CNTN4: variants seen among roughly 807,000 people sequenced by gnomAD.
CNTN4 encodes contactin 4, also known as contactin-4.
Under a neutral mutation model 122.5 loss-of-function variants are expected in CNTN4, and 77 were observed. The ratio of observed to expected loss-of-function variants is 0.63; its 90% CI spans 0.52 to 0.76. The LOEUF is 0.76. CNTN4 is among the 30% of genes least tolerant of loss of function. The pLI, the probability that CNTN4 is intolerant of heterozygous loss-of-function variation, is 0.00. For missense variants in CNTN4, 1,256 were observed against 1,259.1 expected, an observed-to-expected ratio of 1.00 and a Z score of 0.04; for synonymous variants, 512 against 447.0, an observed-to-expected ratio of 1.15 and a Z score of -1.83.
chr3:2,892,145 G>A (rs749499375), intron 10 of CNTN4: 1 of 152,204 alleles, frequency 6.6e-6, no homozygotes, highest in Non-Finnish European at 1.5e-5. Context: ...TGCTTTGCTA[G>A]AGGTTCTGAA....
At chr3:2,181,526 T>C (rs2037016909) in intron 2 of CNTN4, among the ~76,000 whole-genome samples, 2 of 152,094 alleles carry the variant, frequency 1.3e-5, no homozygotes, top group Non-Finnish European at 1.5e-5. Flanking sequence ...TATGTCACAT[T>C]GTACTTGGAA....
chr3:2,140,325 G>A (rs1457596893), intron 2 of CNTN4, among the ~76,000 whole-genome samples: 1 of 152,200 alleles, frequency 6.6e-6, no homozygotes, highest in Admixed American at 6.5e-5. Context: ...ATGATTAACA[G>A]AAGATAAGTG....
At chr3:2,726,292 T>G (rs367787844) in intron 4 of CNTN4, among the ~76,000 whole-genome samples, 7 of 152,314 alleles carry the variant, frequency 4.6e-5, no homozygotes, top group Admixed American at 2.0e-4. Flanking sequence ...GGGAACCAAT[T>G]TAACCAAGAA....
chr3:2,861,219 A>G (rs2093668425), intron 7 of CNTN4, among the ~76,000 whole-genome samples: 1 of 152,158 alleles, frequency 6.6e-6, no homozygotes, highest in Admixed American at 6.5e-5. Context: ...GACTCAATTC[A>G]TGTCTCTTGA....
chr3:2,695,929 T>A (rs1158377059), intron 4 of CNTN4, among the ~76,000 whole-genome samples: 1 of 151,902 alleles, frequency 6.6e-6, no homozygotes, highest in African/African-American at 2.4e-5. Context: ...GTGGTAGGGG[T>A]GGGGGTAATG....
chr3:2,502,115 G>A (rs2076610414), intron 3 of CNTN4, among the ~76,000 whole-genome samples: 1 of 151,908 alleles, frequency 6.6e-6, no homozygotes, highest in Non-Finnish European at 1.5e-5. Flanking sequence ...AACACCTCTG[G>A]CCCCAAGCAT....
intron 3 of CNTN4, among the ~76,000 whole-genome samples, chr3:2,405,595 G>GTAGATAGA (rs61138023): frequency 7.5e-4 from 112 of 150,110 alleles, no homozygotes; most frequent in African/African-American, 1.7e-3. Context: ...TTATAGATAG[G>GTAGATAGA]TAGATAGATA....
chr3:2,125,758 G>C (rs1018695094), intron 2 of CNTN4, among the ~76,000 whole-genome samples: 2 of 151,566 alleles, frequency 1.3e-5, no homozygotes, highest in South Asian at 4.2e-4. Context: ...GGGTTTTACC[G>C]TGTTAAGCAG....
At chr3:2,975,792 A>C (rs1693364460) in intron 13 of CNTN4, among the ~76,000 whole-genome samples, 1 of 152,188 alleles carries the variant, frequency 6.6e-6, no homozygotes, top group East Asian at 1.9e-4. Context: ...TATATTACTT[A>C]TTATGATGCT....
intron 6 of CNTN4, among the ~76,000 whole-genome samples, chr3:2,800,564 C>A (rs1482688643): frequency 1.3e-5 from 2 of 152,122 alleles, no homozygotes; most frequent in African/African-American, 4.8e-5. Flanking sequence ...TAGTTCTCTG[C>A]CAGACATGTA....
intron 3 of CNTN4, among the ~76,000 whole-genome samples, chr3:2,382,444 T>C (rs59409758): frequency 0.18 from 27,446 of 151,950 alleles, 3,079 homozygotes; most frequent in East Asian, 0.44. Flanking sequence ...CATGAGCCAC[T>C]GCGTCCGGCC....
chr3:2,887,316 G>A (rs776238658), intron 10 of CNTN4, 92 bp downstream of exon 10: 10 of 1,195,734 alleles, frequency 8.4e-6, no homozygotes, highest in Non-Finnish European at 1.2e-5. Context: ...CATTTTGGGA[G>A]AGATGGTGCA....
chr3:2,802,558 A>G (rs112601377), intron 6 of CNTN4, among the ~76,000 whole-genome samples: 3 of 152,218 alleles, frequency 2.0e-5, no homozygotes, highest in Non-Finnish European at 2.9e-5. Flanking sequence ...TTCAATGTCA[A>G]TGAGTCAGCA....
intron 2 of CNTN4, among the ~76,000 whole-genome samples, chr3:2,206,893 TA>T (rs60265436): frequency 0.088 from 12,553 of 143,404 alleles, 764 homozygotes; most frequent in East Asian, 0.36. Flanking sequence ...TTTTTTTTTT[TA>T]AAGAATTTTA....
At chr3:2,853,398 C>G (rs1054950306) in intron 7 of CNTN4, among the ~76,000 whole-genome samples, 1 of 152,060 alleles carries the variant, frequency 6.6e-6, no homozygotes, top group Non-Finnish European at 1.5e-5. Flanking sequence ...GTGCCCACGA[C>G]CACGCCCAGC....
At chr3:2,158,743 A>G (rs1358311456) in intron 2 of CNTN4, among the ~76,000 whole-genome samples, 1 of 152,218 alleles carries the variant, frequency 6.6e-6, no homozygotes, top group African/African-American at 2.4e-5. Context: ...GGTGAGCATT[A>G]ACTCACTCTT....
chr3:2,958,905 G>A (rs1404247226), intron 13 of CNTN4, among the ~76,000 whole-genome samples: 1 of 152,176 alleles, frequency 6.6e-6, no homozygotes, highest in Non-Finnish European at 1.5e-5. Context: ...CTGACAGAAA[G>A]ATGGAATAGC....
chr3:2,921,421 G>C (rs2094429005), intron 12 of CNTN4, among the ~76,000 whole-genome samples: 1 of 152,220 alleles, frequency 6.6e-6, no homozygotes, highest in Non-Finnish European at 1.5e-5. Flanking sequence ...CTTCTTTCTA[G>C]ATAGCAATCC....
At chr3:2,787,206 G>A (rs939692558) in intron 6 of CNTN4, among the ~76,000 whole-genome samples, 1 of 152,074 alleles carries the variant, frequency 6.6e-6, no homozygotes, top group Non-Finnish European at 1.5e-5. Context: ...GCGAAACCCT[G>A]TCTCTATTAA....
Sources: allele counts gnomAD v4.1 joint callset (sites outside exome capture counted in the v4.1 genomes callset), GRCh38; gene constraint gnomAD v4.1.1; transcripts MANE v1.5; gene names NCBI Gene and HGNC (gene_info 2026-07-23, HGNC 2026-07-21).